TPRG1: variants seen among roughly 807,000 people sequenced by gnomAD.
The protein encoded by TPRG1 is tumor protein p63 regulated 1.
Under a neutral mutation model 29.3 loss-of-function variants are expected in TPRG1, and 29 were observed. That is an observed-to-expected ratio of 0.99 (90% CI 0.74 to 1.35). The LOEUF (loss-of-function observed/expected upper bound fraction) is 1.35. Among genes scored for constraint, TPRG1 ranks in the 40% most tolerant of loss-of-function variants. The probability of loss-of-function intolerance (pLI) is 0.00; values close to 1 mark genes in which losing one functional copy is unlikely to be tolerated. For synonymous variants in TPRG1, 130 were observed against 116.8 expected (o/e 1.11, Z -0.73); for missense variants, 327 against 335.0 (o/e 0.98, Z 0.19).
intron 4 of TPRG1, among the ~76,000 whole-genome samples, chr3:189,027,107 C>T (rs1021379645): frequency 6.6e-6 from 1 of 152,130 alleles, no homozygotes; most frequent in African/African-American, 2.4e-5. Flanking sequence ...TTTTCTTGTG[C>T]AGTGAAGGTG....
chr3:189,117,244 G>A (rs1428775334), intron 1 of TPRG1, among the ~76,000 whole-genome samples: 2 of 152,308 alleles, frequency 1.3e-5, no homozygotes, highest in East Asian at 1.9e-4. Context: ...GCATGTTACT[G>A]AATTGGCCAT....
intron 4 of TPRG1, among the ~76,000 whole-genome samples, chr3:189,150,432 C>T (rs1209175584): frequency 1.3e-5 from 2 of 152,158 alleles, no homozygotes; most frequent in Non-Finnish European, 1.5e-5. Context: ...TCACCCGCCT[C>T]GGCCTCCCAA....
In TPRG1 at chr3:189,211,109, T is replaced by C. The variant is rs1238918330; in HGVS notation, c.210+3515T>C. ...CATATTCTTTTTTCTTTTACTTATA[T>C]ATACACAATTCTTGTGTAAAAATGG... is the stretch of plus-strand genomic sequence containing the variant. On this transcript the variant is annotated intron_variant, in intron 2 of 5. Coordinates refer to ENST00000345063, the MANE Select transcript of TPRG1 (RefSeq NM_198485.4). Among the ~76,000 whole-genome samples, 4 of 152,340 alleles carry C rather than the reference T, an allele frequency of 2.6e-5. No homozygotes were observed. In the East Asian group the frequency reaches 7.7e-4, roughly 29 times the overall value.
At chr3:189,258,370 C>A (rs1185954946) in intron 4 of TPRG1, among the ~76,000 whole-genome samples, 2 of 152,112 alleles carry the variant, frequency 1.3e-5, no homozygotes, top group Non-Finnish European at 2.9e-5. Context: ...GCTCCTTCCT[C>A]TGGAAGCTTT....
At chr3:189,291,411 C>G (rs1203737566) in intron 4 of TPRG1, among the ~76,000 whole-genome samples, 1 of 152,084 alleles carries the variant, frequency 6.6e-6, no homozygotes, top group Non-Finnish European at 1.5e-5. Flanking sequence ...AATAATATAG[C>G]TCTTCATAGG....
At chr3:189,013,155 GGT>G (rs1398336781) in intron 3 of TPRG1, among the ~76,000 whole-genome samples, 26 of 151,972 alleles carry the variant, frequency 1.7e-4, no homozygotes, top group Non-Finnish European at 3.7e-4. Flanking sequence ...GTGGGCATTT[GGT>G]GATATAAATT....
intron 2 of TPRG1, among the ~76,000 whole-genome samples, chr3:189,214,708 A>G (rs1735766801): frequency 6.6e-6 from 1 of 152,196 alleles, no homozygotes; most frequent in Non-Finnish European, 1.5e-5. Flanking sequence ...GGTGATTCTG[A>G]CGGGCATTGA....
chr3:189,149,816 C>G (rs542371190), intron 4 of TPRG1, among the ~76,000 whole-genome samples: 1 of 152,262 alleles, frequency 6.6e-6, no homozygotes, highest in East Asian at 1.9e-4. Context: ...TCTGCCACAT[C>G]TTTCCAACCA....
chr3:189,127,115 C>G (rs1722582790), exon 2 of TPRG1: 1 of 152,174 alleles, frequency 6.6e-6, no homozygotes, highest in Non-Finnish European at 1.5e-5. Flanking sequence ...GCTGTTGATT[C>G]ACAGAAAGCC....
intron 1 of TPRG1, among the ~76,000 whole-genome samples, chr3:189,101,421 G>A (rs1719186096): frequency 6.6e-6 from 1 of 151,762 alleles, no homozygotes; most frequent in South Asian, 2.1e-4. Context: ...AAAAAATTAG[G>A]TATTTGGCGA....
chr3:189,159,834 TTGTGTATG>T (rs960682076), intron 5 of TPRG1, among the ~76,000 whole-genome samples: 10 of 95,466 alleles, frequency 1.0e-4, no homozygotes, highest in African/African-American at 2.9e-4. Context: ...CATGGAGTGT[TTGTGTATG>T]TGTGTGTGTG....
intron 3 of TPRG1, among the ~76,000 whole-genome samples, chr3:189,227,971 A>T (rs1219029921): frequency 2.0e-5 from 3 of 152,062 alleles, no homozygotes; most frequent in Admixed American, 6.5e-5. Context: ...AAATACAAAA[A>T]TCAGCCAGGT....
At chr3:189,155,058 C>G (rs1217877120) in intron 5 of TPRG1, among the ~76,000 whole-genome samples, 1 of 152,138 alleles carries the variant, frequency 6.6e-6, no homozygotes, top group Non-Finnish European at 1.5e-5. Flanking sequence ...GCCCTGAGGC[C>G]TGCATGCAAC....
intron 3 of TPRG1, chr3:189,147,437 C>T (rs1263708174): frequency 2.6e-5 from 4 of 152,212 alleles, no homozygotes; most frequent in South Asian, 2.1e-4. Flanking sequence ...GCAGACGCAA[C>T]ACTTGGTTAG....
At chr3:189,127,235 G>A (rs1439274234) in intron 2 of TPRG1, 6 of 152,116 alleles carry the variant, frequency 3.9e-5, no homozygotes, top group Non-Finnish European at 7.4e-5. Context: ...CTATGGGAGT[G>A]GCAACCAAAA....
chr3:189,073,484 G>T (rs1403412117), intron 4 of TPRG1, among the ~76,000 whole-genome samples: 1 of 152,144 alleles, frequency 6.6e-6, no homozygotes, highest in Non-Finnish European at 1.5e-5. Context: ...AGAGAACTAA[G>T]TTATTTGAAT....
At chr3:189,101,664 A>G (rs1719218925) in intron 1 of TPRG1, among the ~76,000 whole-genome samples, 1 of 152,018 alleles carries the variant, frequency 6.6e-6, no homozygotes, top group East Asian at 1.9e-4. Flanking sequence ...ACAAGCCTTG[A>G]TCATTGTGTA....
chr3:189,035,012 G>T (rs1222797888), intron 4 of TPRG1, among the ~76,000 whole-genome samples: 1 of 152,090 alleles, frequency 6.6e-6, no homozygotes, highest in East Asian at 1.9e-4. Flanking sequence ...AAAGCTGGAG[G>T]TATCAAACTA....
intron 5 of TPRG1, among the ~76,000 whole-genome samples, chr3:189,314,043 T>C (rs1723104687): frequency 6.6e-6 from 1 of 151,948 alleles, no homozygotes; most frequent in African/African-American, 2.4e-5. Context: ...GGAGAGAGAA[T>C]TAATGAAAGC....
Sources: allele counts gnomAD v4.1 joint callset (sites outside exome capture counted in the v4.1 genomes callset), GRCh38; gene constraint gnomAD v4.1.1; transcripts MANE v1.5; gene names NCBI Gene and HGNC (gene_info 2026-07-23, HGNC 2026-07-21).